UNC5B: variants seen among roughly 807,000 people sequenced by gnomAD.
The protein encoded by UNC5B is unc-5 netrin receptor B, also known as netrin receptor UNC5B.
A neutral mutation model predicts 103.7 loss-of-function variants in UNC5B; 56 were observed. That is an observed-to-expected ratio of 0.54 (90% CI 0.44 to 0.67). The LOEUF is 0.67. Among genes scored for constraint, UNC5B ranks in the 30% least tolerant of loss-of-function variants. The probability of loss-of-function intolerance (pLI) is 0.00; values close to 1 mark genes in which losing one functional copy is unlikely to be tolerated. For synonymous variants in UNC5B, 577 were observed against 542.0 expected (o/e 1.06, Z -0.90); for missense variants, 1,194 against 1,284.5 (o/e 0.93, Z 1.08).
intron 13 of UNC5B, 133 bp downstream of exon 13, chr10:71,294,066 C>G: frequency 1.2e-6 from 1 of 836,714 alleles, no homozygotes; most frequent in South Asian, 1.8e-5. Flanking sequence ...GTCCCGCTTG[C>G]GACCCTCACA....
intron 1 of UNC5B, among the ~76,000 whole-genome samples, chr10:71,240,378 C>T (rs1374132603): frequency 6.6e-6 from 1 of 152,264 alleles, no homozygotes; most frequent in Non-Finnish European, 1.5e-5. Context: ...ACCCCTTCTC[C>T]CAGTAGGGGG....
In UNC5B at chr10:71,299,303, G is replaced by A. The variant is rs1326345427; in HGVS notation, c.*26G>A. On this transcript the variant is annotated 3_prime_UTR_variant, in exon 17 of 17. Transcript: ENST00000335350. ...GCCTCCTGGGACAGCGGGCTGGCAG[G>A]GACTGGCAGGAGGCAGGTGCAGGGA... 6.2e-7 allele frequency: 1 copy of A among 1,611,662 alleles called. No individual in the cohort carries two copies. Among genetic ancestry groups the A allele is most frequent in the Non-Finnish European group, 8.5e-7 (1 of 1,179,286 alleles).
chr10:71,267,479 C>CA (rs954230455), intron 1 of UNC5B, among the ~76,000 whole-genome samples: 1 of 152,108 alleles, frequency 6.6e-6, no homozygotes, highest in African/African-American at 2.4e-5. Flanking sequence ...GGTGGGCAGG[C>CA]AAAGGGACCA....
intron 1 of UNC5B, among the ~76,000 whole-genome samples, chr10:71,263,456 G>A (rs1183588327): frequency 6.6e-6 from 1 of 152,220 alleles, no homozygotes; most frequent in Non-Finnish European, 1.5e-5. Context: ...GAGAGCTCGA[G>A]CTGAGAGCTC....
rs1273670042 is a variant in UNC5B, at chr10:71,301,825, C to G, written c.*2548C>G. 1 of 152,252 alleles carries G rather than the reference C, an allele frequency of 6.6e-6. No homozygotes were observed. Among genetic ancestry groups the G allele is most frequent in the Non-Finnish European group, 1.5e-5 (1 of 68,036 alleles). 9.4% of individuals were successfully genotyped at this position (152,252 alleles called of 1,614,324 possible). ...CTGAGGCTCTTTGGGTTCAGACACA[C>G]TGTTCTAGGCTTCTGTAGGGGACCT... is the stretch of plus-strand genomic sequence containing the variant. On this transcript the variant is annotated 3_prime_UTR_variant, in exon 17 of 17. Coordinates refer to ENST00000335350, the MANE Select transcript of UNC5B (RefSeq NM_170744.5).
Position 71,295,961 on chromosome 10 carries a change from G to A in UNC5B, c.2325+1G>A. On this transcript the variant is annotated splice_donor_variant, in intron 14 of 16. Transcript: ENST00000335350. LOFTEE classifies it high-confidence loss of function. ...GAGCAAGCTGCTGGCCAAATACCAG[G>A]TGAGGGCTGGGCTGATGGATGGGGA... is the stretch of plus-strand genomic sequence containing the variant. The A allele has an allele frequency of 6.2e-7, 1 of 1,612,750 alleles. No homozygotes were observed. The highest frequency in any genetic ancestry group is 8.5e-7 in the Non-Finnish European group (1 of 1,180,008).
At chr10:71,286,602 G>A in intron 4 of UNC5B, 87 bp from the exon 5 acceptor site, 1 of 1,522,992 alleles carries the variant, frequency 6.6e-7, no homozygotes. Context: ...CACGACTATG[G>A]CGTGGACCCA....
intron 1 of UNC5B, among the ~76,000 whole-genome samples, chr10:71,259,967 C>T (rs1471522367): frequency 3.3e-5 from 5 of 152,196 alleles, no homozygotes; most frequent in Non-Finnish European, 4.4e-5. Flanking sequence ...GTGCCTGGAA[C>T]AGCACAGTTT....
At chr10:71,238,522 G>C (rs1029043637) in intron 1 of UNC5B, among the ~76,000 whole-genome samples, 1 of 152,100 alleles carries the variant, frequency 6.6e-6, no homozygotes, top group Non-Finnish European at 1.5e-5. Context: ...ACCCAGGCTG[G>C]AGCTCAGAGT....
At chr10:71,297,881 C>T (rs751907002) in intron 15 of UNC5B, 28 bp from the exon 16 acceptor site, 4 of 1,597,378 alleles carry the variant, frequency 2.5e-6, no homozygotes, top group Middle Eastern at 2.0e-4. Flanking sequence ...CACTGTGCCC[C>T]TCTCACTCTT....
At chr10:71,265,350 C>G (rs771112984) in intron 1 of UNC5B, among the ~76,000 whole-genome samples, 4 of 152,136 alleles carry the variant, frequency 2.6e-5, no homozygotes, top group Non-Finnish European at 5.9e-5. Context: ...GCCCGGGTAA[C>G]AGAGGTAACC....
In UNC5B at chr10:71,296,801, AGG is replaced by A. The variant is rs1482815691; in HGVS notation, c.2490+61_2490+62del. ...ACACCACACTGGCGGAGGTGAGGGA[AGG>A]GTGGGGCAGATATTCCAGCTGCACA... is the stretch of plus-strand genomic sequence containing the variant. On this transcript the variant is annotated intron_variant, in intron 15 of 16. Transcript: ENST00000335350. The A allele has an allele frequency of 8.0e-4, 1,211 of 1,522,196 alleles. 1 individual carries two copies. The highest frequency in any genetic ancestry group is 1.6e-3 in the East Asian group (61 of 39,338). 94.3% of individuals were successfully genotyped at this position (1,522,196 alleles called of 1,614,324 possible).
intron 1 of UNC5B, among the ~76,000 whole-genome samples, chr10:71,238,570 T>C (rs2132256812): frequency 6.6e-6 from 1 of 152,262 alleles, no homozygotes; most frequent in South Asian, 2.1e-4. Context: ...CCTCCTGGGT[T>C]CAGCTTCCCA....
At chr10:71,279,099 A>C (rs1462064406) in intron 1 of UNC5B, among the ~76,000 whole-genome samples, 4 of 152,198 alleles carry the variant, frequency 2.6e-5, no homozygotes, top group African/African-American at 9.6e-5. Context: ...AAGTCTCCTC[A>C]TCTGCTGTGC....
intron 6 of UNC5B, among the ~76,000 whole-genome samples, chr10:71,288,249 G>A (rs1039089517): frequency 9.2e-5 from 14 of 152,302 alleles, no homozygotes; most frequent in African/African-American, 3.4e-4. Flanking sequence ...GTATGTTTGT[G>A]CCTACGCTGT....
rs1351717223 is a variant in UNC5B at position 71,293,440 on chromosome 10, C to A, written c.1808C>A (p.Pro603His). 1 of 1,614,042 alleles carries A rather than the reference C, an allele frequency of 6.2e-7. No individual in the cohort carries two copies. The highest frequency in any genetic ancestry group is 8.5e-7 in the Non-Finnish European group (1 of 1,180,000). The change falls in exon 12 of 17, where the codon CCC (proline) becomes CAC (histidine). Residue 603 changes from proline to histidine, a missense_variant. Coordinates refer to ENST00000335350, the MANE Select transcript of UNC5B (RefSeq NM_170744.5). ...GAAGGGACCCAGACAGTATTGAGCC[C>A]CTCGGTGACCTGTGGACCCACAGGC... ...LSEGTQTVLS[P>H]SVTCGPTGLL...
Position 71,291,744 on chromosome 10 carries a change from G to T in UNC5B, c.1607G>T (p.Gly536Val). ...AGCCTCGGTTCCCAGCAGCTCTTGG[G>T]CCTGCCCCGAGACCCAGGGAGCAGC... ...SASLGSQQLL[G>V]LPRDPGSSVS... The change falls in exon 10 of 17, where the codon GGC (glycine) becomes GTC (valine). Residue 536 changes from glycine (G) to valine (V), a missense_variant. By Grantham distance (109) the Gly-to-Val change is moderately radical. Coordinates refer to ENST00000335350, the MANE Select transcript of UNC5B (RefSeq NM_170744.5). 6.2e-7 allele frequency: 1 copy of T among 1,611,010 alleles called. No individual in the cohort carries two copies. Among genetic ancestry groups the T allele is most frequent in the Non-Finnish European group, 8.5e-7 (1 of 1,179,918 alleles).
chr10:71,233,113 C>T (rs2132251789), intron 1 of UNC5B, among the ~76,000 whole-genome samples: 1 of 152,330 alleles, frequency 6.6e-6, no homozygotes, highest in Middle Eastern at 3.4e-3. Flanking sequence ...GAACAGGGAT[C>T]AAGGACCAGT....
rs573496433 is a variant in UNC5B, at chr10:71,254,806, G to A, written c.80-25015G>A. On this transcript the variant is annotated intron_variant, in intron 1 of 16. Coordinates refer to ENST00000335350, the MANE Select transcript of UNC5B (RefSeq NM_170744.5). ...CCTGCTTCCAGAACAGCAGCCTGGCGCCCTTAGAAACAACACCAGGCACTG... is the reference window on the plus strand; with the variant it reads ...CCTGCTTCCAGAACAGCAGCCTGGCACCCTTAGAAACAACACCAGGCACTG... Among the ~76,000 whole-genome samples the A allele has an allele frequency of 7.2e-5, 11 of 152,292 alleles. No individual in the cohort carries two copies. In the East Asian group the frequency reaches 7.7e-4, roughly 11 times the overall value.
Sources: gnomAD v4.1 joint callset for allele counts (sites outside exome capture counted in the v4.1 genomes callset) on GRCh38, gnomAD v4.1.1 for gene constraint, MANE v1.5 for transcripts, NCBI Gene and HGNC (gene_info 2026-07-23, HGNC 2026-07-21) for gene names.